SLIT1: variants seen among roughly 807,000 people sequenced by gnomAD.
The protein encoded by SLIT1 is slit homolog 1 protein.
Under a neutral mutation model 186.1 loss-of-function variants are expected in SLIT1, and 66 were observed. The observed-to-expected ratio is 0.35, with a 90% CI of 0.29 to 0.44. The LOEUF (loss-of-function observed/expected upper bound fraction) is 0.44. SLIT1 is among the 20% of genes least tolerant of loss of function. SLIT1 has a pLI of 1.00. For synonymous variants in SLIT1, 761 were observed against 833.8 expected (o/e 0.91, Z 1.50); for missense variants, 1,638 against 2,037.4 (o/e 0.80, Z 3.77).
In SLIT1 at chr10:97,006,809, T is replaced by A. The variant is rs1228785240; in HGVS notation, c.3342-89A>T. On this transcript the variant is annotated intron_variant, in intron 31 of 36. Transcript: ENST00000266058. This position sits in a 1 kb window ranked among gnomAD's most constrained non-coding sequence, Gnocchi z 4.0. ...GCCCTGGAGAGAAATTCACTAAACA[T>A]CTTGGGAAAATGGATTCTTAAAGCG... is the stretch of plus-strand genomic sequence containing the variant. 2 of 874,728 alleles carry A rather than the reference T, an allele frequency of 2.3e-6. No individual in the cohort carries two copies. Among genetic ancestry groups the A allele is most frequent in the Non-Finnish European group, 3.7e-6 (2 of 546,114 alleles). The allele number at this position is 874,728 out of a possible 1,614,324, so 54.2% of individuals were successfully genotyped here. A position where few individuals can be genotyped will look rare whatever the true frequency, so the allele number is the denominator to read the frequency against.
chr10:97,124,762 G>T (rs531397892), intron 4 of SLIT1, among the ~76,000 whole-genome samples: 2 of 152,154 alleles, frequency 1.3e-5, no homozygotes, highest in Non-Finnish European at 2.9e-5. Flanking sequence ...AAGCAGCATG[G>T]ACATTAGAAG....
intron 36 of SLIT1, among the ~76,000 whole-genome samples, chr10:97,001,639 C>T (rs553031736): frequency 6.6e-6 from 1 of 152,230 alleles, no homozygotes; most frequent in East Asian, 1.9e-4. Flanking sequence ...AGGCTGGAGG[C>T]CCCGGGGGCA....
chr10:97,133,867 C>T (rs2134697089), intron 4 of SLIT1, among the ~76,000 whole-genome samples: 1 of 152,268 alleles, frequency 6.6e-6, no homozygotes, highest in Non-Finnish European at 1.5e-5. Context: ...ACCCCCAGGT[C>T]CTGTATCCCC....
chr10:97,126,912 CT>C (rs1350568665), intron 4 of SLIT1, among the ~76,000 whole-genome samples: 1 of 152,210 alleles, frequency 6.6e-6, no homozygotes, highest in East Asian at 1.9e-4. Context: ...CCCTTCTCAT[CT>C]CCCTGAGCAT....
At chr10:97,031,767 A>C (rs1589368220) in intron 23 of SLIT1, 90 bp from the exon 24 acceptor site, 4 of 1,007,800 alleles carry the variant, frequency 4.0e-6, no homozygotes, top group South Asian at 1.5e-5. Context: ...GGTCCCTCTC[A>C]CCCAGCAGCC....
chr10:97,176,083 T>C (rs1165264777), intron 1 of SLIT1, among the ~76,000 whole-genome samples: 1 of 152,120 alleles, frequency 6.6e-6, no homozygotes, highest in Non-Finnish European at 1.5e-5. Flanking sequence ...AAGTCAAATT[T>C]AAAAACTAAA....
At chr10:97,118,790 G>C (rs1044427851) in intron 4 of SLIT1, among the ~76,000 whole-genome samples, 1 of 152,198 alleles carries the variant, frequency 6.6e-6, no homozygotes, top group Admixed American at 6.5e-5. Flanking sequence ...GAAAAAATGG[G>C]GATAAAAGAA....
At chr10:97,011,360 T>G (rs1224026474) in intron 30 of SLIT1, among the ~76,000 whole-genome samples, 1 of 152,042 alleles carries the variant, frequency 6.6e-6, no homozygotes, top group Non-Finnish European at 1.5e-5. Flanking sequence ...GGACTTGAGG[T>G]AGGGGCCTGG....
chr10:97,008,888 A>T (rs936931490), intron 31 of SLIT1, among the ~76,000 whole-genome samples: 26 of 151,138 alleles, frequency 1.7e-4, no homozygotes, highest in Admixed American at 1.4e-3. Context: ...ATTTATTATT[A>T]TTATTTTTTG....
At chr10:97,039,505 C>G (rs990396577) in intron 21 of SLIT1, among the ~76,000 whole-genome samples, 5 of 152,186 alleles carry the variant, frequency 3.3e-5, no homozygotes, top group Non-Finnish European at 7.3e-5. Flanking sequence ...ACGCACCGCT[C>G]TCTGACTGGC....
intron 3 of SLIT1, among the ~76,000 whole-genome samples, chr10:97,161,190 C>G (rs535049154): frequency 1.0e-3 from 159 of 152,348 alleles, no homozygotes; most frequent in Non-Finnish European, 2.0e-3. Flanking sequence ...TCTCGACCCC[C>G]CAGACCCTTT....
intron 4 of SLIT1, among the ~76,000 whole-genome samples, chr10:97,082,575 C>T (rs1849116177): frequency 6.6e-6 from 1 of 152,102 alleles, no homozygotes; most frequent in South Asian, 2.1e-4. Context: ...GCTGGGACTA[C>T]AGGCGCCCGC....
At chr10:97,172,729 C>T (rs1174643344) in intron 1 of SLIT1, among the ~76,000 whole-genome samples, 2 of 152,108 alleles carry the variant, frequency 1.3e-5, no homozygotes, top group East Asian at 3.9e-4. Context: ...TAGCAAGACC[C>T]TGTCTCAACA....
chr10:97,030,866 A>G (rs1848584487), intron 24 of SLIT1, 38 bp from the exon 25 acceptor site: 5 of 1,576,176 alleles, frequency 3.2e-6, no homozygotes, highest in Non-Finnish European at 4.4e-6. Flanking sequence ...TTATCCAGGG[A>G]CAGAGATGGG....
Position 97,047,709 on chromosome 10 carries a change from G to C in SLIT1, c.1615C>G (p.Pro539Ala), listed in dbSNP as rs1407542395. 6.2e-7 allele frequency: 1 copy of C among 1,613,932 alleles called. No individual in the cohort carries two copies. The highest frequency in any genetic ancestry group is 1.1e-5 in the South Asian group (1 of 91,088). Residue 539 changes from proline to alanine, a missense_variant, in exon 16 of 37, where the codon CCC becomes GCC. This residue lies in a region of SLIT1 where 1,245 missense variants were observed against 1,535.3 expected (regional missense o/e 0.81). Coordinates refer to ENST00000266058, the MANE Select transcript of SLIT1 (RefSeq NM_003061.3). ...CCTCACAGTTCTGCCGTGGACTGGGGGATGCGCTCAGGGATCTTGGTGAGC... is the reference window on the plus strand; with the variant it reads ...CCTCACAGTTCTGCCGTGGACTGGGCGATGCGCTCAGGGATCTTGGTGAGC... The part of the protein sequence containing the change: ...LKLTKIPERI[P>A]QSTAELRLNN...
At chr10:97,091,092 C>T (rs1209616745) in intron 4 of SLIT1, among the ~76,000 whole-genome samples, 2 of 152,276 alleles carry the variant, frequency 1.3e-5, no homozygotes, top group Non-Finnish European at 2.9e-5. Context: ...GGTTTGATAT[C>T]ATTCTATCAC....
At chr10:97,165,968 C>T (rs546912623) in intron 1 of SLIT1, among the ~76,000 whole-genome samples, 3 of 152,156 alleles carry the variant, frequency 2.0e-5, no homozygotes, top group African/African-American at 7.2e-5. Flanking sequence ...CCCCACTGAG[C>T]CCCACACAGC....
intron 18 of SLIT1, among the ~76,000 whole-genome samples, chr10:97,044,747 C>T (rs893623281): frequency 6.6e-6 from 1 of 152,210 alleles, no homozygotes; most frequent in Admixed American, 6.5e-5. Flanking sequence ...CCCAAAATGA[C>T]ACTTTGTGTT....
intron 11 of SLIT1, chr10:97,058,226 T>C: frequency 3.2e-6 from 2 of 625,698 alleles, no homozygotes; most frequent in South Asian, 3.6e-5. Context: ...GGGTGGGAAA[T>C]GGAGCAGAGG....
Sources: gnomAD v4.1 joint callset for allele counts (sites outside exome capture counted in the v4.1 genomes callset) on GRCh38, gnomAD v4.1.1 for gene constraint, gnomAD v4.1.1 regional missense constraint, Gnocchi (gnomAD v3.1) non-coding constraint, MANE v1.5 for transcripts, NCBI Gene and HGNC (gene_info 2026-07-23, HGNC 2026-07-21) for gene names.